MNAT1: variants seen among roughly 807,000 people sequenced by gnomAD.
MNAT1 encodes MNAT1 component of CDK activating kinase, also known as CDK-activating kinase assembly factor MAT1.
MNAT1 carries 43 observed loss-of-function variants against 42.0 expected under a neutral mutation model. The observed-to-expected ratio is 1.02, with a 90% CI of 0.80 to 1.32. The LOEUF (loss-of-function observed/expected upper bound fraction) is 1.32, where lower values mean the gene tolerates loss of function less well. Among genes scored for constraint, MNAT1 ranks in the 40% most tolerant of loss-of-function variants. MNAT1 has a pLI of 0.00. For synonymous variants in MNAT1, 118 were observed against 120.0 expected (o/e 0.98, Z 0.11); for missense variants, 306 against 350.4 (o/e 0.87, Z 1.01).
At chr14:60,760,078 T>C (rs1594731268) in intron 1 of MNAT1, among the ~76,000 whole-genome samples, 1 of 152,166 alleles carries the variant, frequency 6.6e-6, no homozygotes, top group East Asian at 1.9e-4. Context: ...GCAAACAGTT[T>C]TGGTACAATT....
At chr14:60,744,412 G>A (rs1414191843) in intron 1 of MNAT1, among the ~76,000 whole-genome samples, 2 of 151,166 alleles carry the variant, frequency 1.3e-5, no homozygotes, top group Non-Finnish European at 2.9e-5. Flanking sequence ...GATTACAGGT[G>A]TGAGCCATCA....
At chr14:60,837,245 G>C (rs2033417899) in intron 6 of MNAT1, among the ~76,000 whole-genome samples, 2 of 152,290 alleles carry the variant, frequency 1.3e-5, no homozygotes, top group South Asian at 4.1e-4. Context: ...CTGTCTCTCT[G>C]TCATTCCAGG....
At chr14:60,784,603 T>C (rs569917263) in intron 1 of MNAT1, among the ~76,000 whole-genome samples, 8 of 146,138 alleles carry the variant, frequency 5.5e-5, no homozygotes, top group African/African-American at 1.8e-4. Flanking sequence ...GCCCCAGCCT[T>C]CTGGGATTAC....
At chr14:60,944,760 G>A (rs1450264043) in intron 7 of MNAT1, among the ~76,000 whole-genome samples, 1 of 152,104 alleles carries the variant, frequency 6.6e-6, no homozygotes, top group Non-Finnish European at 1.5e-5. Context: ...ATTTTGGTAA[G>A]CGAGGCACTT....
chr14:60,812,461 A>G (rs1422791027), intron 5 of MNAT1, among the ~76,000 whole-genome samples: 1 of 152,216 alleles, frequency 6.6e-6, no homozygotes, highest in Admixed American at 6.5e-5. Context: ...CTAGGCAGAT[A>G]GGGACGGGTA....
intron 6 of MNAT1, among the ~76,000 whole-genome samples, chr14:60,824,364 CT>C (rs2032991599): frequency 6.6e-6 from 1 of 152,120 alleles, no homozygotes; most frequent in African/African-American, 2.4e-5. Flanking sequence ...TTATAAACAT[CT>C]TGAGGGCAGA....
intron 7 of MNAT1, among the ~76,000 whole-genome samples, chr14:60,909,804 C>T (rs1156946207): frequency 8.6e-5 from 13 of 152,018 alleles, no homozygotes; most frequent in Non-Finnish European, 1.5e-4. Flanking sequence ...CTTGGCGATG[C>T]GGGCTCTTTT....
At chr14:60,864,950 C>T (rs921825339) in intron 6 of MNAT1, among the ~76,000 whole-genome samples, 1 of 152,020 alleles carries the variant, frequency 6.6e-6, no homozygotes, top group Non-Finnish European at 1.5e-5. Flanking sequence ...AAAACAACTA[C>T]TCCTTCTGTT....
intron 1 of MNAT1, among the ~76,000 whole-genome samples, chr14:60,766,308 C>G (rs1305869826): frequency 6.7e-6 from 1 of 148,978 alleles, no homozygotes; most frequent in South Asian, 2.1e-4. Context: ...GATAAAGCCA[C>G]TGCACTCCAG....
At chr14:60,939,644 A>T (rs907541243) in intron 7 of MNAT1, among the ~76,000 whole-genome samples, 33 of 152,186 alleles carry the variant, frequency 2.2e-4, no homozygotes, top group African/African-American at 7.2e-4. Context: ...GGAGTGCTTT[A>T]CTTCCAACTA....
chr14:60,813,512 A>G (rs1235691182), intron 5 of MNAT1, among the ~76,000 whole-genome samples: 1 of 152,148 alleles, frequency 6.6e-6, no homozygotes, highest in Non-Finnish European at 1.5e-5. Flanking sequence ...AGAAGATGCT[A>G]ACATTTTAGG....
At chr14:60,927,479 G>A (rs1333609402) in intron 7 of MNAT1, among the ~76,000 whole-genome samples, 1 of 152,204 alleles carries the variant, frequency 6.6e-6, no homozygotes, top group Admixed American at 6.5e-5. Context: ...TCATGTATGT[G>A]TAACCAGTAC....
chr14:60,753,143 G>A (rs1024296409), intron 1 of MNAT1, among the ~76,000 whole-genome samples: 10 of 152,052 alleles, frequency 6.6e-5, no homozygotes, highest in South Asian at 2.1e-4. Context: ...ATTTTCTCAC[G>A]GTTCTTGTGC....
intron 1 of MNAT1, among the ~76,000 whole-genome samples, chr14:60,743,900 T>C (rs1264464694): frequency 6.6e-6 from 1 of 152,184 alleles, no homozygotes. Context: ...TCATTTCTTA[T>C]TGTATTGTTT....
chr14:60,936,455 C>T (rs1490323497), intron 7 of MNAT1, among the ~76,000 whole-genome samples: 3 of 148,110 alleles, frequency 2.0e-5, no homozygotes, highest in South Asian at 2.2e-4. Flanking sequence ...GTTCATTTCC[C>T]ACCTATGAGA....
intron 1 of MNAT1, among the ~76,000 whole-genome samples, chr14:60,744,452 T>G (rs916481149): frequency 2.6e-5 from 4 of 152,212 alleles, no homozygotes; most frequent in Non-Finnish European, 5.9e-5. Flanking sequence ...TGGTTTCTAT[T>G]GACTGCTTTT....
intron 1 of MNAT1, among the ~76,000 whole-genome samples, chr14:60,747,200 G>A (rs920574431): frequency 2.0e-5 from 3 of 151,474 alleles, no homozygotes; most frequent in Non-Finnish European, 4.4e-5. Context: ...TAGCCAGGAT[G>A]GTCTTGATCT....
intron 7 of MNAT1, among the ~76,000 whole-genome samples, chr14:60,886,617 C>T (rs564147346): frequency 6.6e-6 from 1 of 150,534 alleles, no homozygotes; most frequent in South Asian, 2.1e-4. Flanking sequence ...CTGATTTTTG[C>T]ATGTCTGTTT....
intron 7 of MNAT1, among the ~76,000 whole-genome samples, chr14:60,905,652 T>C (rs973526512): frequency 6.6e-6 from 1 of 151,828 alleles, no homozygotes; most frequent in Non-Finnish European, 1.5e-5. Context: ...TTAGCGGGGG[T>C]GGAGGTGAAA....
Sources: allele counts gnomAD v4.1 joint callset (sites outside exome capture counted in the v4.1 genomes callset), GRCh38; gene constraint gnomAD v4.1.1; transcripts MANE v1.5; gene names NCBI Gene and HGNC (gene_info 2026-07-23, HGNC 2026-07-21).